MAP2K4: variants seen among roughly 807,000 people sequenced by gnomAD.
The protein encoded by MAP2K4 is dual specificity mitogen-activated protein kinase kinase 4.
MAP2K4 carries 4 observed loss-of-function variants against 48.5 expected under a neutral mutation model. The ratio of observed to expected loss-of-function variants is 0.08; its 90% CI spans 0.04 to 0.19. MAP2K4 has a LOEUF of 0.19. MAP2K4 is among the 10% of genes least tolerant of loss of function. MAP2K4 has a pLI of 1.00. For missense variants in MAP2K4, 258 were observed against 493.3 expected, an observed-to-expected ratio of 0.52 and a Z score of 4.52; for synonymous variants, 166 against 173.1, an observed-to-expected ratio of 0.96 and a Z score of 0.32.
intron 4 of MAP2K4, among the ~76,000 whole-genome samples, chr17:12,099,350 A>C (rs1001114728): frequency 1.3e-5 from 2 of 152,162 alleles, no homozygotes; most frequent in Non-Finnish European, 2.9e-5. Context: ...TGCCATAAGC[A>C]TACCAGTGCA....
intron 2 of MAP2K4, among the ~76,000 whole-genome samples, chr17:12,074,002 G>C (rs900458912): frequency 2.0e-5 from 3 of 152,014 alleles, no homozygotes; most frequent in African/African-American, 7.2e-5. Context: ...TCAAACTCCC[G>C]ACCTCGTGAT....
chr17:12,113,806 C>G (rs552296929), intron 7 of MAP2K4, among the ~76,000 whole-genome samples: 16 of 152,198 alleles, frequency 1.1e-4, no homozygotes, highest in African/African-American at 3.9e-4. Flanking sequence ...CCAACAAATG[C>G]AAAGGTAGAG....
intron 2 of MAP2K4, among the ~76,000 whole-genome samples, chr17:12,062,943 CCTT>C (rs1474997850): frequency 1.3e-5 from 2 of 151,678 alleles, no homozygotes; most frequent in Non-Finnish European, 2.9e-5. Flanking sequence ...CCTCCCCTTA[CCTT>C]TCTTTTTCCT....
rs561639100 is a variant in MAP2K4, at chr17:12,063,830, G to A, written c.218+8839G>A. On this transcript the variant is annotated intron_variant, in intron 2 of 10. Coordinates refer to ENST00000353533, the MANE Select transcript of MAP2K4 (RefSeq NM_003010.4). ...TCTACTAAAAATACAAAATTAGCTG[G>A]ACATGGTGTCGCATGGCTGTAACCC... 9.2e-5 allele frequency among the ~76,000 whole-genome samples: 14 copies of A among 151,930 alleles called. No individual in the cohort carries two copies. The South Asian group carries it at 2.9e-3, about 32-fold the overall frequency.
At chr17:12,101,670 C>T (rs1971941760) in intron 4 of MAP2K4, among the ~76,000 whole-genome samples, 1 of 152,082 alleles carries the variant, frequency 6.6e-6, no homozygotes, top group Non-Finnish European at 1.5e-5. Flanking sequence ...TGTGGCATCT[C>T]ACTTTATTAT....
intron 7 of MAP2K4, chr17:12,124,274 A>G (rs575280687): frequency 1.3e-5 from 2 of 152,208 alleles, no homozygotes; most frequent in Non-Finnish European, 2.9e-5. Flanking sequence ...ACTCTGTGCC[A>G]ACAGGACCCT....
rs1973415138 is a variant in MAP2K4 at position 12,142,878 on chromosome 17, G to C, written c.*1618G>C. 8.6e-6 allele frequency: 2 copies of C among 232,604 alleles called. No individual in the cohort carries two copies. The highest frequency in any genetic ancestry group is 1.7e-5 in the Non-Finnish European group (2 of 117,722). 14.4% of individuals were successfully genotyped at this position (232,604 alleles called of 1,614,324 possible). On this transcript the variant is annotated 3_prime_UTR_variant, in exon 11 of 11. Transcript: ENST00000353533. ...TTCAAGCACACTGGAATATAAAACA[G>C]TCATGGCCTGAGATGCAGGTGATGC...
intron 7 of MAP2K4, chr17:12,115,655 A>G: frequency 1.3e-6 from 1 of 753,888 alleles, no homozygotes. Context: ...TTATTAACAC[A>G]GCAAAGTGAA....
intron 2 of MAP2K4, among the ~76,000 whole-genome samples, chr17:12,055,590 G>A (rs559314588): frequency 4.9e-4 from 75 of 152,088 alleles, no homozygotes; most frequent in African/African-American, 1.8e-3. Context: ...AAAGCAAGTG[G>A]TGTAAGGTAT....
intron 7 of MAP2K4, 121 bp downstream of exon 7, chr17:12,113,481 T>G: frequency 1.6e-6 from 2 of 1,239,212 alleles, no homozygotes; most frequent in Non-Finnish European, 2.2e-6. Flanking sequence ...TCCCTTACCC[T>G]AAGGCCCAAG....
chr17:12,029,680 T>C (rs1969371385), intron 1 of MAP2K4, among the ~76,000 whole-genome samples: 1 of 152,160 alleles, frequency 6.6e-6, no homozygotes, highest in Non-Finnish European at 1.5e-5. Context: ...GGCTCATGCC[T>C]ATAATCCCAT....
At chr17:12,133,294 C>T (rs1973093130) in intron 9 of MAP2K4, among the ~76,000 whole-genome samples, 1 of 152,200 alleles carries the variant, frequency 6.6e-6, no homozygotes, top group Non-Finnish European at 1.5e-5. Context: ...ACTGGCCAGG[C>T]TGGTCTTGAA....
At chr17:12,072,904 A>G (rs751790277) in intron 2 of MAP2K4, among the ~76,000 whole-genome samples, 6 of 152,230 alleles carry the variant, frequency 3.9e-5, no homozygotes, top group East Asian at 1.9e-4. Flanking sequence ...CTCACATAGT[A>G]TTAAGAATTA....
chr17:12,120,943 C>T (rs1972668231), intron 7 of MAP2K4, among the ~76,000 whole-genome samples: 2 of 152,118 alleles, frequency 1.3e-5, no homozygotes, highest in Non-Finnish European at 1.5e-5. Context: ...TGCTTAGTTC[C>T]CCAGAACTCA....
intron 3 of MAP2K4, among the ~76,000 whole-genome samples, chr17:12,091,920 T>A (rs1209660679): frequency 6.6e-6 from 1 of 152,168 alleles, no homozygotes; most frequent in Non-Finnish European, 1.5e-5. Context: ...GAAAATACTT[T>A]TTATTATTGG....
At chr17:12,070,546 CATAATT>C (rs1343355627) in intron 2 of MAP2K4, among the ~76,000 whole-genome samples, 1 of 151,978 alleles carries the variant, frequency 6.6e-6, no homozygotes, top group Non-Finnish European at 1.5e-5. Flanking sequence ...TCATATAGAG[CATAATT>C]ATAAATGTAA....
chr17:12,077,275 G>T (rs570649707), intron 2 of MAP2K4, among the ~76,000 whole-genome samples: 3 of 152,336 alleles, frequency 2.0e-5, no homozygotes, highest in Non-Finnish European at 1.5e-5. Context: ...AATGCTGCTT[G>T]CACTTCCCAG....
intron 10 of MAP2K4, among the ~76,000 whole-genome samples, 193 bp downstream of exon 10, chr17:12,140,077 T>A (rs1691164055): frequency 6.6e-6 from 1 of 152,226 alleles, no homozygotes; most frequent in African/African-American, 2.4e-5. Flanking sequence ...CTACTAATAC[T>A]AGCTAAATTC....
intron 1 of MAP2K4, among the ~76,000 whole-genome samples, chr17:12,037,126 G>A (rs571219287): frequency 6.6e-6 from 1 of 152,052 alleles, no homozygotes; most frequent in South Asian, 2.1e-4. Context: ...TGGATGCTAC[G>A]AATTGAAATT....
Sources: gnomAD v4.1 joint callset for allele counts (sites outside exome capture counted in the v4.1 genomes callset) on GRCh38, gnomAD v4.1.1 for gene constraint, MANE v1.5 for transcripts, NCBI Gene and HGNC (gene_info 2026-07-23, HGNC 2026-07-21) for gene names.